EPHA4: variants seen among roughly 807,000 people sequenced by gnomAD.
The protein encoded by EPHA4 is ephrin type-A receptor 4.
A neutral mutation model predicts 108.3 loss-of-function variants in EPHA4; 19 were observed. That is an observed-to-expected ratio of 0.18 (90% CI 0.12 to 0.26). The LOEUF is 0.26. Among genes scored for constraint, EPHA4 ranks in the 10% least tolerant of loss-of-function variants. EPHA4 has a pLI of 1.00. For missense variants in EPHA4, 917 were observed against 1,254.0 expected (o/e 0.73, Z 4.06); for synonymous variants, 449 against 455.5 (o/e 0.99, Z 0.18).
At chr2:221,455,751 C>G (rs987927152) in intron 7 of EPHA4, 93 bp from the exon 8 acceptor site, 3 of 852,788 alleles carry the variant, frequency 3.5e-6, no homozygotes, top group Non-Finnish European at 5.8e-6. Flanking sequence ...TCTGAAGCCA[C>G]TTGGAGAGAG....
chr2:221,441,192 CTTTTCTTTTTT>C (rs1465637729), intron 11 of EPHA4, among the ~76,000 whole-genome samples: 16 of 136,616 alleles, frequency 1.2e-4, no homozygotes, highest in African/African-American at 4.1e-4. Context: ...TTTTTCTTTT[CTTTTCTTTTTT>C]TTTTTTTTTT....
At chr2:221,448,023 G>A (rs961030196) in intron 8 of EPHA4, among the ~76,000 whole-genome samples, 1 of 151,878 alleles carries the variant, frequency 6.6e-6, no homozygotes, top group Non-Finnish European at 1.5e-5. Context: ...TGTATTTTTA[G>A]TAGAGCCAGG....
In EPHA4 at chr2:221,482,353, T is replaced by C; in HGVS notation, c.1317A>G (p.Ala439=). 6.3e-7 allele frequency: 1 copy of C among 1,597,492 alleles called. No individual in the cohort carries two copies. The highest frequency in any genetic ancestry group is 8.6e-7 in the Non-Finnish European group (1 of 1,169,114). ...SVSVTVTTNQ[A]APSSIALVQA... ...CAATAAAGTAGATTCAATTCCTACC[T>C]GCTTGGTTGGTGGTCACAGTGACAG... Residue 439 remains alanine, a splice_region_variant and synonymous_variant, in exon 5 of 18, where the codon GCA becomes GCG. Coordinates refer to ENST00000281821, the MANE Select transcript of EPHA4 (RefSeq NM_004438.5).
At chr2:221,494,802 G>A (rs1009405572) in intron 4 of EPHA4, among the ~76,000 whole-genome samples, 10 of 152,170 alleles carry the variant, frequency 6.6e-5, no homozygotes, top group Admixed American at 3.3e-4. Flanking sequence ...ATTCCAGAAG[G>A]GGCAGGGAAA....
chr2:221,534,492 C>T (rs1462146513), intron 3 of EPHA4, among the ~76,000 whole-genome samples: 1 of 152,200 alleles, frequency 6.6e-6, no homozygotes, highest in African/African-American at 2.4e-5. Context: ...CTGCATCTTG[C>T]ACATGCTGGT....
intron 3 of EPHA4, among the ~76,000 whole-genome samples, chr2:221,522,444 A>T (rs1425283145): frequency 6.6e-6 from 1 of 152,194 alleles, no homozygotes; most frequent in Non-Finnish European, 1.5e-5. Context: ...TTAGCTAAAA[A>T]CACCTGTTCA....
chr2:221,564,700 T>C (rs562194027), intron 2 of EPHA4, among the ~76,000 whole-genome samples: 14 of 152,188 alleles, frequency 9.2e-5, no homozygotes, highest in African/African-American at 3.4e-4. Context: ...ATTCACCTAT[T>C]ACAACAGCTA....
At chr2:221,450,775 A>G (rs1465093378) in intron 8 of EPHA4, among the ~76,000 whole-genome samples, 1 of 152,204 alleles carries the variant, frequency 6.6e-6, no homozygotes, top group African/African-American at 2.4e-5. Flanking sequence ...TGTCACTAGC[A>G]ATCATTAGAA....
chr2:221,460,854 C>T (rs1430221), intron 5 of EPHA4, among the ~76,000 whole-genome samples: 3,591 of 152,260 alleles, frequency 0.024, 91 homozygotes, highest in East Asian at 0.081. Context: ...GACTTCCATG[C>T]CACACATTTG....
In EPHA4 at chr2:221,564,039, T is replaced by A; in HGVS notation, c.515A>T (p.Asp172Val). 6.2e-7 allele frequency: 1 copy of A among 1,613,562 alleles called. No homozygotes were observed. Among genetic ancestry groups the A allele is most frequent in the Non-Finnish European group, 8.5e-7 (1 of 1,179,884 alleles). The change falls in exon 3 of 18, where the codon GAT (aspartate) becomes GTT (valine). Residue 172 changes from aspartate (D) to valine (V), a missense_variant. By Grantham distance (152) the Asp-to-Val change is radical (BLOSUM62 -3). This residue lies in a region of EPHA4 where 758 missense variants were observed against 1,076.7 expected (regional missense o/e 0.70). Transcript: ENST00000281821. ...CCCCTTTTTGCTTAATGGCCCTACATCCCGGATCTCGGTGTTCAGCTTCAT... is the reference window on the plus strand; with the variant it reads ...CCCCTTTTTGCTTAATGGCCCTACAACCCGGATCTCGGTGTTCAGCTTCAT... The part of the protein sequence containing the change: ...RIMKLNTEIR[D>V]VGPLSKKGFY...
chr2:221,455,358 C>A (rs766204441), intron 8 of EPHA4, among the ~76,000 whole-genome samples, 189 bp downstream of exon 8: 3 of 151,240 alleles, frequency 2.0e-5, no homozygotes, highest in Non-Finnish European at 4.4e-5. Context: ...ACCTCTCAGC[C>A]TGCCACCAGG....
At chr2:221,544,578 G>A (rs1292675938) in intron 3 of EPHA4, among the ~76,000 whole-genome samples, 4 of 152,038 alleles carry the variant, frequency 2.6e-5, no homozygotes, top group Admixed American at 6.6e-5. Context: ...CACGCGTATC[G>A]GCCTCCCAAA....
intron 17 of EPHA4, among the ~76,000 whole-genome samples, chr2:221,421,384 C>T (rs1330685651): frequency 1.3e-5 from 2 of 152,164 alleles, no homozygotes; most frequent in African/African-American, 4.8e-5. Flanking sequence ...AGAGTAACTC[C>T]TGATAAATAG....
At chr2:221,501,205 A>G in intron 3 of EPHA4, 33 bp from the exon 4 acceptor site, 3 of 1,537,964 alleles carry the variant, frequency 2.0e-6, no homozygotes, top group Non-Finnish European at 1.7e-6. Context: ...AAACAAATAG[A>G]AACCACTGCA....
intron 3 of EPHA4, among the ~76,000 whole-genome samples, chr2:221,553,858 C>A (rs1276184064): frequency 6.6e-6 from 1 of 152,146 alleles, no homozygotes; most frequent in Admixed American, 6.5e-5. Flanking sequence ...TGAATAATTA[C>A]CCAGCACTTC....
chr2:221,542,726 G>A (rs1189482750), intron 3 of EPHA4, among the ~76,000 whole-genome samples: 1 of 152,188 alleles, frequency 6.6e-6, no homozygotes, highest in African/African-American at 2.4e-5. Flanking sequence ...TTGCAGTAGA[G>A]TTAGAGGCGA....
rs186841823 is a variant in EPHA4 at position 221,472,116 on chromosome 2, G to A, written c.1318+10236C>T. Among the ~76,000 whole-genome samples, 101 of 152,036 alleles carry A rather than the reference G, an allele frequency of 6.6e-4. 1 individual carries two copies. Among genetic ancestry groups the A allele is most frequent in the African/African-American group, 2.0e-3 (84 of 41,470 alleles). On this transcript the variant is annotated intron_variant, in intron 5 of 17. Coordinates refer to ENST00000281821, the MANE Select transcript of EPHA4 (RefSeq NM_004438.5). ...TGGTTATCTTATTTCTTTATCTTTA[G>A]ATAAAAAGAAGTCTTTAATTACACT...
intron 3 of EPHA4, among the ~76,000 whole-genome samples, chr2:221,509,864 C>A (rs1692772880): frequency 6.6e-6 from 1 of 152,180 alleles, no homozygotes; most frequent in African/African-American, 2.4e-5. Flanking sequence ...CAGTGGGAGA[C>A]ATAACGGGAA....
intron 1 of EPHA4, 82 bp downstream of exon 1, chr2:221,572,076 C>G: frequency 1.7e-6 from 2 of 1,174,628 alleles, no homozygotes; most frequent in Non-Finnish European, 2.5e-6. Context: ...CCCCGCACCA[C>G]CTGGCCCTGC....
Sources: allele counts gnomAD v4.1 joint callset (sites outside exome capture counted in the v4.1 genomes callset), GRCh38; gene constraint gnomAD v4.1.1; regional missense constraint gnomAD v4.1.1; transcripts MANE v1.5; gene names NCBI Gene and HGNC (gene_info 2026-07-23, HGNC 2026-07-21).